Variants in TLE4 observed in about 807,000 individuals in gnomAD.
The protein encoded by TLE4 is TLE family member 4, transcriptional corepressor, also known as transducin-like enhancer protein 4.
Under a neutral mutation model 92.8 loss-of-function variants are expected in TLE4, and 8 were observed. The observed-to-expected ratio is 0.09, with a 90% CI of 0.05 to 0.16. The LOEUF (loss-of-function observed/expected upper bound fraction) is 0.16. Ranked by LOEUF, TLE4 falls within the 10% of genes least tolerant of loss-of-function variation. The probability of loss-of-function intolerance (pLI) is 1.00; values close to 1 mark genes in which losing one functional copy is unlikely to be tolerated. For synonymous variants in TLE4, 371 were observed against 374.1 expected (o/e 0.99, Z 0.10); for missense variants, 675 against 997.6 (o/e 0.68, Z 4.36).
At chr9:79,608,426 G>T (rs1181066747) in intron 4 of TLE4, among the ~76,000 whole-genome samples, 1 of 152,050 alleles carries the variant, frequency 6.6e-6, no homozygotes, top group African/African-American at 2.4e-5. Flanking sequence ...AAGTGATAAG[G>T]TTGCAAGATT....
chr9:79,591,970 C>T (rs1272571729), intron 4 of TLE4, among the ~76,000 whole-genome samples: 1 of 152,098 alleles, frequency 6.6e-6, no homozygotes, highest in Non-Finnish European at 1.5e-5. Flanking sequence ...ATTTATAATC[C>T]TTCCAAGAAC....
chr9:79,694,223 G>A (rs1244185043), intron 8 of TLE4, among the ~76,000 whole-genome samples: 2 of 152,188 alleles, frequency 1.3e-5, no homozygotes, highest in East Asian at 3.9e-4. Flanking sequence ...ACTCACAATT[G>A]TCTGAAATGG....
chr9:79,647,882 G>A (rs1006190650), intron 6 of TLE4, among the ~76,000 whole-genome samples: 3 of 150,432 alleles, frequency 2.0e-5, no homozygotes, highest in African/African-American at 4.9e-5. Context: ...ACTTTGAGCC[G>A]GGGTGATGAG....
At chr9:79,623,512 G>A (rs924291003) in intron 5 of TLE4, among the ~76,000 whole-genome samples, 2 of 152,062 alleles carry the variant, frequency 1.3e-5, no homozygotes, top group Admixed American at 6.5e-5. Flanking sequence ...GTGATTTAAT[G>A]TACAGAATTT....
chr9:79,637,403 C>G (rs2056144765), intron 6 of TLE4, among the ~76,000 whole-genome samples: 1 of 152,150 alleles, frequency 6.6e-6, no homozygotes, highest in African/African-American at 2.4e-5. Flanking sequence ...GGACTGGGAT[C>G]CAAACTCCAG....
chr9:79,578,232 C>T (rs1035000469), intron 4 of TLE4, among the ~76,000 whole-genome samples: 1 of 152,138 alleles, frequency 6.6e-6, no homozygotes, highest in Non-Finnish European at 1.5e-5. Flanking sequence ...AGGGAAGTTG[C>T]CCTGCGGCAT....
At chr9:79,598,531 C>T (rs1301152622) in intron 4 of TLE4, among the ~76,000 whole-genome samples, 1 of 152,090 alleles carries the variant, frequency 6.6e-6, no homozygotes, top group African/African-American at 2.4e-5. Flanking sequence ...GGAAATAGTC[C>T]TCTAAAAAGC....
At position 79,725,024 on chromosome 9, in the gene TLE4, G is replaced by A; in HGVS notation, c.2215-13G>A. 28 of 1,601,762 alleles carry A rather than the reference G, an allele frequency of 1.7e-5. No individual in the cohort carries two copies. Among genetic ancestry groups the A allele is most frequent in the Non-Finnish European group, 2.4e-5 (28 of 1,169,198 alleles). Reference sequence around the variant, plus strand: ...CAGTATTTAACATTTTTGATTATATGTTTCTTTCCTAGTCCAAAGAATCCT... The same window carrying A: ...CAGTATTTAACATTTTTGATTATATATTTCTTTCCTAGTCCAAAGAATCCT... On this transcript the variant is annotated splice_polypyrimidine_tract_variant and intron_variant, in intron 19 of 19. Transcript: ENST00000376552.
intron 8 of TLE4, among the ~76,000 whole-genome samples, chr9:79,675,861 G>C (rs143811678): frequency 6.6e-6 from 1 of 152,194 alleles, no homozygotes; most frequent in African/African-American, 2.4e-5. Context: ...GTTTTTTTCA[G>C]ATTTGGGAAT....
chr9:79,636,451 T>G (rs1282024810), intron 6 of TLE4, among the ~76,000 whole-genome samples: 1 of 152,152 alleles, frequency 6.6e-6, no homozygotes, highest in African/African-American at 2.4e-5. Flanking sequence ...ACTTATGTTC[T>G]TCATTCAGCT....
intron 8 of TLE4, among the ~76,000 whole-genome samples, chr9:79,662,188 T>C (rs534345368): frequency 9.2e-5 from 14 of 152,342 alleles, no homozygotes; most frequent in Admixed American, 7.8e-4. Flanking sequence ...GTGATAAGGG[T>C]GAGCATGAGG....
At chr9:79,720,314 A>G in intron 16 of TLE4, 21 bp downstream of exon 16, 1 of 1,598,260 alleles carries the variant, frequency 6.3e-7, no homozygotes, top group Non-Finnish European at 8.5e-7. Context: ...AGGATCTGTT[A>G]CCAGGTTGTG....
rs952902576 is a variant in TLE4, at chr9:79,688,761, A to G, written c.610-16022A>G. ...TTAAAAAGAAGTTTTATACTCTTCA[A>G]TTGCCAAATACATTCCAATTAGCTG... On this transcript the variant is annotated intron_variant, in intron 8 of 19. Transcript: ENST00000376552. Among the ~76,000 whole-genome samples the G allele has an allele frequency of 3.9e-5, 6 of 151,984 alleles. No homozygotes were observed. In the East Asian group the frequency reaches 7.8e-4, roughly 20 times the overall value.
At chr9:79,576,227 T>C in intron 4 of TLE4, 50 bp downstream of exon 4, 1 of 1,319,290 alleles carries the variant, frequency 7.6e-7, no homozygotes, top group Non-Finnish European at 1.0e-6. Context: ...ACTGGGACAC[T>C]ATGAAAAGAA....
intron 14 of TLE4, among the ~76,000 whole-genome samples, chr9:79,716,565 T>A (rs532508129): frequency 6.0e-4 from 92 of 152,326 alleles, no homozygotes; most frequent in African/African-American, 2.1e-3. Flanking sequence ...TGATGGTAAC[T>A]GGAACATACG....
intron 4 of TLE4, among the ~76,000 whole-genome samples, chr9:79,594,152 G>A (rs979081377): frequency 1.6e-4 from 24 of 152,324 alleles, no homozygotes; most frequent in Admixed American, 1.4e-3. Flanking sequence ...GCGAACTAGA[G>A]CAGTGCTGCT....
intron 8 of TLE4, among the ~76,000 whole-genome samples, chr9:79,670,105 G>A (rs2062030680): frequency 6.6e-6 from 1 of 152,048 alleles, no homozygotes; most frequent in Non-Finnish European, 1.5e-5. Flanking sequence ...ACTCAAGAGA[G>A]GAGGTAGGGA....
At position 79,708,139 on chromosome 9, in the gene TLE4, G is replaced by T; in HGVS notation, c.958G>T (p.Val320Phe). 1.9e-6 allele frequency: 3 copies of T among 1,613,674 alleles called. No individual in the cohort carries two copies. The South Asian group carries it at 3.3e-5, about 18-fold the overall frequency. The change falls in exon 12 of 20, where the codon GTC becomes TTC. Residue 320 changes from valine to phenylalanine, a missense_variant. Val to Phe is a conservative substitution (Grantham distance 50, BLOSUM62 -1). Coordinates refer to ENST00000376552, the MANE Select transcript of TLE4 (RefSeq NM_007005.6). ...LSLNEKSTTP[V>F]SKSNTPTPRT... Reference sequence around the variant, plus strand: ...TTAGAATGAAAAATCTACTACTCCCGTCTCAAAGTCCAATACCCCTACTCC... The same window carrying T: ...TTAGAATGAAAAATCTACTACTCCCTTCTCAAAGTCCAATACCCCTACTCC...
chr9:79,669,812 C>T (rs1208635242), intron 8 of TLE4, among the ~76,000 whole-genome samples: 1 of 152,176 alleles, frequency 6.6e-6, no homozygotes, highest in Non-Finnish European at 1.5e-5. Flanking sequence ...TTAGTCTTTG[C>T]AGCATCTTAA....
Sources: gnomAD v4.1 joint callset for allele counts (sites outside exome capture counted in the v4.1 genomes callset) on GRCh38, gnomAD v4.1.1 for gene constraint, MANE v1.5 for transcripts, NCBI Gene and HGNC (gene_info 2026-07-23, HGNC 2026-07-21) for gene names.